Variants in GARNL3 observed in about 807,000 individuals in gnomAD.
GARNL3 encodes GTPase-activating Rap/Ran-GAP domain-like protein 3.
GARNL3 carries 63 observed loss-of-function variants against 125.0 expected under a neutral mutation model. That is an observed-to-expected ratio of 0.50 (90% CI 0.41 to 0.62). The LOEUF (loss-of-function observed/expected upper bound fraction) is 0.62, where lower values mean the gene tolerates loss of function less well. GARNL3 is among the 20% of genes least tolerant of loss of function. GARNL3 has a pLI of 0.00. For missense variants in GARNL3, 994 were observed against 1,244.0 expected (o/e 0.80, Z 3.02); for synonymous variants, 439 against 457.5 (o/e 0.96, Z 0.52).
intron 1 of GARNL3, among the ~76,000 whole-genome samples, chr9:127,283,702 A>G (rs2064161797): frequency 6.6e-6 from 1 of 152,200 alleles, no homozygotes. Flanking sequence ...ATTTAATTTA[A>G]ACAAGGCTGG....
intron 7 of GARNL3, 132 bp downstream of exon 7, chr9:127,325,227 C>T (rs1039477024): frequency 2.0e-5 from 16 of 812,178 alleles, no homozygotes; most frequent in East Asian, 8.0e-5. Flanking sequence ...GGACACATTG[C>T]GCGGAAAGAA....
chr9:127,320,662 G>A (rs2065371368), intron 5 of GARNL3, 53 bp from the exon 6 acceptor site: 5 of 1,276,334 alleles, frequency 3.9e-6, no homozygotes, highest in East Asian at 2.3e-5. Flanking sequence ...TTTTCTAGAA[G>A]CTCCTTTTTA....
chr9:127,246,138 G>T (rs1309149183), intron 2 of GARNL3, among the ~76,000 whole-genome samples: 3 of 152,152 alleles, frequency 2.0e-5, no homozygotes, highest in Non-Finnish European at 4.4e-5. Flanking sequence ...ACCCATTGGG[G>T]AGTGGGAGCC....
chr9:127,385,179 T>G lies in GARNL3; in HGVS notation c.2388+34T>G. Reference sequence around the variant, plus strand: ...GACTGGGATTTTATCTCTGAGTGGTTTGGGGGACCCCGGCACTGTGGGATT... The same window carrying G: ...GACTGGGATTTTATCTCTGAGTGGTGTGGGGGACCCCGGCACTGTGGGATT... On this transcript the variant is annotated intron_variant, in intron 24 of 27. Coordinates refer to ENST00000373387, the MANE Select transcript of GARNL3 (RefSeq NM_032293.5). This position sits in a 1 kb window ranked among gnomAD's most constrained non-coding sequence, Gnocchi z 4.1. 2 of 1,390,548 alleles carry G rather than the reference T, an allele frequency of 1.4e-6. No individual in the cohort carries two copies. Among genetic ancestry groups the G allele is most frequent in the Admixed American group, 2.0e-5 (1 of 51,280 alleles). 86.1% of individuals were successfully genotyped at this position (1,390,548 alleles called of 1,614,324 possible). A position where few individuals can be genotyped will look rare whatever the true frequency, so the allele number is the denominator to read the frequency against.
chr9:127,245,653 A>G (rs1473182108), intron 2 of GARNL3, among the ~76,000 whole-genome samples: 2 of 152,244 alleles, frequency 1.3e-5, no homozygotes, highest in Non-Finnish European at 2.9e-5. Flanking sequence ...CCGCCTATTC[A>G]TTAACTCCTT....
chr9:127,250,329 A>G (rs1334166899), intron 2 of GARNL3, among the ~76,000 whole-genome samples: 61 of 152,218 alleles, frequency 4.0e-4, no homozygotes, highest in Admixed American at 4.0e-3. Flanking sequence ...AATAAAATAC[A>G]AATACATAGA....
chr9:127,391,087 C>T (rs1233996873), intron 27 of GARNL3, among the ~76,000 whole-genome samples: 1 of 152,068 alleles, frequency 6.6e-6, no homozygotes, highest in South Asian at 2.1e-4. Context: ...GAGTTCGAGA[C>T]TAGGCTGGCC....
chr9:127,341,518 T>C (rs1829857232), intron 13 of GARNL3, among the ~76,000 whole-genome samples: 1 of 152,144 alleles, frequency 6.6e-6, no homozygotes, highest in Non-Finnish European at 1.5e-5. Flanking sequence ...GTCCAGAGGA[T>C]CAGACAGAGA....
At chr9:127,318,228 C>G (rs1487168818) in intron 5 of GARNL3, 101 bp downstream of exon 5, 1 of 804,840 alleles carries the variant, frequency 1.2e-6, no homozygotes, top group East Asian at 2.4e-5. Context: ...TTGTCTTGAG[C>G]CTTGACTGTG....
intron 1 of GARNL3, among the ~76,000 whole-genome samples, chr9:127,239,804 T>G (rs141420712): frequency 6.6e-6 from 1 of 152,202 alleles, no homozygotes; most frequent in African/African-American, 2.4e-5. Context: ...CTGAACAGTT[T>G]TAGAAGTCAG....
intron 1 of GARNL3, among the ~76,000 whole-genome samples, chr9:127,229,741 A>C (rs561898562): frequency 6.6e-6 from 1 of 152,090 alleles, no homozygotes; most frequent in South Asian, 2.1e-4. Flanking sequence ...AAGCTATCCT[A>C]CTGCCTTGGC....
rs1420761334 is a variant in GARNL3, at chr9:127,383,501, C to T, written c.2225C>T (p.Ala742Val). ...NGGSFLVQPS[A>V]SDFQFCWNQA... ...GGCTCTTTTTTGGTTCAACCTTCTG[C>T]GTCAGATTTCCAGTTCTGTTGGAAC... Residue 742 changes from alanine to valine, a missense_variant, in exon 23 of 28, where the codon GCG (alanine) becomes GTG (valine). This residue lies in a region of GARNL3 where 728 missense variants were observed against 865.7 expected (regional missense o/e 0.84). Coordinates refer to ENST00000373387, the MANE Select transcript of GARNL3 (RefSeq NM_032293.5). 8 of 1,613,596 alleles carry T rather than the reference C, an allele frequency of 5.0e-6. No homozygotes were observed. The highest frequency in any genetic ancestry group is 2.2e-5 in the East Asian group (1 of 44,872).
At chr9:127,350,758 G>A (rs571628212) in intron 17 of GARNL3, among the ~76,000 whole-genome samples, 5 of 151,550 alleles carry the variant, frequency 3.3e-5, no homozygotes, top group Admixed American at 1.3e-4. Flanking sequence ...CCTGGGCAAC[G>A]GAGCAAGACT....
At chr9:127,378,861 C>T (rs1388106407) in intron 22 of GARNL3, among the ~76,000 whole-genome samples, 21 of 152,044 alleles carry the variant, frequency 1.4e-4, no homozygotes, top group African/African-American at 1.7e-4. Flanking sequence ...CTGCAACCTC[C>T]GCCTCCCAAG....
At position 127,324,998 on chromosome 9, in the gene GARNL3, C is replaced by T; in HGVS notation, c.568-71C>T. 2.8e-6 allele frequency: 4 copies of T among 1,453,286 alleles called. No homozygotes were observed. The African/African-American group carries it at 4.2e-5, about 15-fold the overall frequency. 90.0% of individuals were successfully genotyped at this position (1,453,286 alleles called of 1,614,324 possible). A position where few individuals can be genotyped will look rare whatever the true frequency, so the allele number is the denominator to read the frequency against. On this transcript the variant is annotated intron_variant, in intron 6 of 27. Coordinates refer to ENST00000373387, the MANE Select transcript of GARNL3 (RefSeq NM_032293.5). The stretch of plus-strand genomic sequence containing the variant: ...TCAGTGTGAGCAAACCAAAGCTTGG[C>T]TTTCACAGCAAGTCAAAATGAAATA...
chr9:127,326,501 C>T lies in GARNL3; in HGVS notation c.594+1406C>T, dbSNP rs552152721. 3.9e-4 allele frequency among the ~76,000 whole-genome samples: 59 copies of T among 152,234 alleles called. 1 individual carries two copies. In the South Asian group the frequency reaches 0.012, roughly 31 times the overall value. ...TAAATGCTTGAGAGGATGGATACCCCGTTCCCCATGATGTGATTATTACAC... is the reference window on the plus strand; with the variant it reads ...TAAATGCTTGAGAGGATGGATACCCTGTTCCCCATGATGTGATTATTACAC... On this transcript the variant is annotated intron_variant, in intron 7 of 27. Transcript: ENST00000373387.
intron 2 of GARNL3, among the ~76,000 whole-genome samples, chr9:127,298,423 T>C (rs2812279): frequency 0.82 from 124,619 of 151,884 alleles, 51,729 homozygotes; most frequent in African/African-American, 0.94. Flanking sequence ...AGGTGATCCA[T>C]CCACTTCAGC....
intron 17 of GARNL3, 54 bp downstream of exon 17, chr9:127,349,089 C>T: frequency 1.6e-6 from 2 of 1,233,520 alleles, no homozygotes; most frequent in Admixed American, 3.4e-5. Context: ...TGTAGTACTT[C>T]TAAGATGAGT....
At chr9:127,311,814 A>G (rs2065106401) in intron 3 of GARNL3, 79 bp downstream of exon 3, 2 of 967,916 alleles carry the variant, frequency 2.1e-6, no homozygotes, top group Non-Finnish European at 3.3e-6. Context: ...CTGGTATCCT[A>G]TATGAGTGAA....
Sources: allele counts gnomAD v4.1 joint callset (sites outside exome capture counted in the v4.1 genomes callset), GRCh38; gene constraint gnomAD v4.1.1; regional missense constraint gnomAD v4.1.1; non-coding constraint Gnocchi (gnomAD v3.1); transcripts MANE v1.5; gene names NCBI Gene and HGNC (gene_info 2026-07-23, HGNC 2026-07-21).